DHRSX: variants seen among roughly 807,000 people sequenced by gnomAD.
DHRSX encodes polyprenol dehydrogenase.
Under a neutral mutation model 34.0 loss-of-function variants are expected in DHRSX, and 31 were observed. The ratio of observed to expected loss-of-function variants is 0.91; its 90% CI spans 0.69 to 1.23. The LOEUF is 1.23. Ranked by LOEUF, DHRSX falls within the 50% of genes most tolerant of loss-of-function variation. The pLI, the probability that DHRSX is intolerant of heterozygous loss-of-function variation, is 0.00. For synonymous variants in DHRSX, 201 were observed against 183.8 expected, an observed-to-expected ratio of 1.09 and a Z score of -0.76; for missense variants, 414 against 428.1, an observed-to-expected ratio of 0.97 and a Z score of 0.29.
intron 3 of DHRSX, among the ~76,000 whole-genome samples, chrX:2,294,766 A>AAGAGAGAG (rs779339446): frequency 1.0e-4 from 15 of 149,106 alleles, no homozygotes; most frequent in African/African-American, 3.7e-4. Flanking sequence ...GAGACAGAGA[A>AAGAGAGAG]AGAGAGAGAG....
At chrX:2,376,387 C>G (rs2043140994) in intron 3 of DHRSX, among the ~76,000 whole-genome samples, 1 of 137,406 alleles carries the variant, frequency 7.3e-6, no homozygotes, top group Non-Finnish European at 1.7e-5. Context: ...CTGTTACCCA[C>G]AGAGGATGAC....
At chrX:2,229,273 A>C (rs913858324) in intron 6 of DHRSX, among the ~76,000 whole-genome samples, 1 of 152,084 alleles carries the variant, frequency 6.6e-6, no homozygotes, top group African/African-American at 2.4e-5. Flanking sequence ...GTTGTGGAAG[A>C]GGGGACGGAG....
chrX:2,296,577 GATAGGAATAGGA>G, intron 3 of DHRSX, among the ~76,000 whole-genome samples: 1 of 101,706 alleles, frequency 9.8e-6, no homozygotes, highest in Non-Finnish European at 1.9e-5. Context: ...GACCCAGGCA[GATAGGAATAGGA>G]CCCAGGCAGA....
chrX:2,324,061 A>G (rs1490565031), intron 3 of DHRSX, among the ~76,000 whole-genome samples: 3 of 93,012 alleles, frequency 3.2e-5, no homozygotes, highest in Admixed American at 1.2e-4. Context: ...TGTCTGGAAA[A>G]AAAAAAAAAA....
intron 6 of DHRSX, among the ~76,000 whole-genome samples, chrX:2,224,681 C>G (rs1311449034): frequency 6.6e-6 from 1 of 152,100 alleles, no homozygotes; most frequent in Non-Finnish European, 1.5e-5. Context: ...TATGTACTCA[C>G]ATGCACACAA....
intron 1 of DHRSX, among the ~76,000 whole-genome samples, chrX:2,482,823 G>A (rs1393022027): frequency 6.6e-6 from 1 of 152,050 alleles, no homozygotes; most frequent in African/African-American, 2.4e-5. Context: ...GGGTAAGAAC[G>A]CACAAGCTAA....
intron 1 of DHRSX, among the ~76,000 whole-genome samples, chrX:2,458,554 A>G (rs2044344949): frequency 6.6e-6 from 1 of 152,176 alleles, no homozygotes; most frequent in Non-Finnish European, 1.5e-5. Flanking sequence ...TGAAAGATAC[A>G]ATGTGAAGTG....
chrX:2,254,059 CA>C (rs373951884), intron 5 of DHRSX, among the ~76,000 whole-genome samples: 2 of 149,114 alleles, frequency 1.3e-5, no homozygotes, highest in East Asian at 2.0e-4. Flanking sequence ...GACTCTGTCT[CA>C]AAAAAAAACA....
intron 3 of DHRSX, among the ~76,000 whole-genome samples, chrX:2,407,345 G>A (rs922586975): frequency 3.9e-5 from 6 of 152,160 alleles, no homozygotes; most frequent in Non-Finnish European, 7.3e-5. Flanking sequence ...CAGCAGCCAC[G>A]GCTTTGACAA....
intron 3 of DHRSX, among the ~76,000 whole-genome samples, chrX:2,307,989 C>T (rs1256046312): frequency 2.0e-5 from 3 of 151,824 alleles, no homozygotes; most frequent in Admixed American, 6.6e-5. Flanking sequence ...ACCAGGGAAC[C>T]GAACACAGGA....
At chrX:2,358,874 G>A (rs1330624532) in intron 3 of DHRSX, among the ~76,000 whole-genome samples, 3 of 151,646 alleles carry the variant, frequency 2.0e-5, no homozygotes, top group Admixed American at 1.3e-4. Context: ...GCGTGAACCC[G>A]GGGAGCAGAG....
At chrX:2,437,029 G>A (rs1473106547) in intron 1 of DHRSX, among the ~76,000 whole-genome samples, 9 of 151,914 alleles carry the variant, frequency 5.9e-5, no homozygotes, top group Non-Finnish European at 1.3e-4. Context: ...ACCGAGTCTC[G>A]CTCTGTTGCC....
intron 3 of DHRSX, among the ~76,000 whole-genome samples, chrX:2,331,573 G>A (rs781420798): frequency 6.0e-5 from 9 of 148,822 alleles, no homozygotes; most frequent in African/African-American, 2.2e-4. Context: ...TCAGCCTGCC[G>A]AGTAGCTGGG....
At position 2,243,110 on chromosome X, in the gene DHRSX, G is replaced by C; in HGVS notation, c.717C>G (p.Asp239Glu). ...EGSHVTANVVDPGVVNTDVYK... is the reference protein window; with the variant it reads ...EGSHVTANVVEPGVVNTDVYK... The stretch of plus-strand genomic sequence containing the variant: ...AGACGTCCGTGTTGACCACCCCGGG[G>C]TCCACCACGTTGGCGGTCACGTGGC... The change falls in exon 6 of 7, where the codon GAC becomes GAG. Residue 239 changes from aspartate (D) to glutamate (E), a missense_variant. Transcript: ENST00000334651. 6.2e-7 allele frequency: 1 copy of C among 1,613,908 alleles called. No homozygotes were observed.
chrX:2,384,259 T>C (rs1366168978), intron 3 of DHRSX, among the ~76,000 whole-genome samples: 1 of 152,168 alleles, frequency 6.6e-6, no homozygotes, highest in Non-Finnish European at 1.5e-5. Flanking sequence ...TCCACTGACT[T>C]ACACAGAGAG....
At chrX:2,370,991 G>A (rs1364411503) in intron 3 of DHRSX, among the ~76,000 whole-genome samples, 2 of 152,226 alleles carry the variant, frequency 1.3e-5, no homozygotes, top group South Asian at 2.1e-4. Flanking sequence ...ATGGTATGCT[G>A]CCTGCGCTCC....
chrX:2,370,811 G>C (rs1366124766), intron 3 of DHRSX, among the ~76,000 whole-genome samples: 1 of 152,088 alleles, frequency 6.6e-6, no homozygotes, highest in Non-Finnish European at 1.5e-5. Context: ...TGTTGGGCCA[G>C]CCTCACCTGG....
chrX:2,375,570 T>C lies in DHRSX; in HGVS notation c.286+33175A>G, dbSNP rs1321266148. The stretch of plus-strand genomic sequence containing the variant: ...TGTTTGTTTCTTGATTTATTCTCTC[T>C]TGAGTCAGCAAGAGAACGGCTCGAT... On this transcript the variant is annotated intron_variant, in intron 3 of 6. Coordinates refer to ENST00000334651, the MANE Select transcript of DHRSX (RefSeq NM_145177.3). Among the ~76,000 whole-genome samples, 2 of 136,702 alleles carry C rather than the reference T, an allele frequency of 1.5e-5. 1 individual carries two copies. The highest frequency in any genetic ancestry group is 4.7e-4 in the South Asian group (2 of 4,274). The allele number at this position is 136,702 out of a possible 152,430, so 89.7% of individuals were successfully genotyped here. A position where few individuals can be genotyped will look rare whatever the true frequency, so the allele number is the denominator to read the frequency against.
chrX:2,445,122 A>C (rs1397868350), intron 1 of DHRSX, among the ~76,000 whole-genome samples: 1 of 152,154 alleles, frequency 6.6e-6, no homozygotes, highest in East Asian at 1.9e-4. Flanking sequence ...GCACCACTGC[A>C]CTCCAGCCTG....
Sources: allele counts gnomAD v4.1 joint callset (sites outside exome capture counted in the v4.1 genomes callset), GRCh38; gene constraint gnomAD v4.1.1; transcripts MANE v1.5; gene names NCBI Gene and HGNC (gene_info 2026-07-23, HGNC 2026-07-21).